The following SULT1E1 variants were observed in gnomAD, a reference collection of about 807,000 sequenced individuals.
The protein encoded by SULT1E1 is sulfotransferase family 1E member 1.
SULT1E1 carries 36 observed loss-of-function variants against 33.6 expected under a neutral mutation model. That is an observed-to-expected ratio of 1.07 (90% confidence interval 0.82 to 1.41). The LOEUF is 1.41. SULT1E1 is among the 40% of genes most tolerant of loss of function. SULT1E1 has a pLI of 0.00. For synonymous variants in SULT1E1, 121 were observed against 111.7 expected (o/e 1.08, Z -0.53); for missense variants, 371 against 345.7 (o/e 1.07, Z -0.58).
chr4:69,849,679 A>G (rs1721061669), intron 4 of SULT1E1, 116 bp from the exon 5 acceptor site: 2 of 922,274 alleles, frequency 2.2e-6, no homozygotes, highest in African/African-American at 1.7e-5. Flanking sequence ...CATTAATTTT[A>G]CAAAATGCAT....
intron 6 of SULT1E1, among the ~76,000 whole-genome samples, chr4:69,846,599 T>C (rs565627523): frequency 1.9e-4 from 29 of 151,830 alleles, no homozygotes; most frequent in African/African-American, 6.5e-4. Flanking sequence ...TAACCTAATG[T>C]ACACAAGTCA....
rs954469717 is a variant in SULT1E1, at chr4:69,855,243, T to C, written c.271+58A>G. Reference sequence around the variant, plus strand: ...GCTTATAATCTCATTGCTTGTACCATGTACATACACACCTTAGAATATATG... The same window carrying C: ...GCTTATAATCTCATTGCTTGTACCACGTACATACACACCTTAGAATATATG... On this transcript the variant is annotated intron_variant, in intron 3 of 7. Transcript: ENST00000226444. 2.1e-5 allele frequency: 32 copies of C among 1,544,506 alleles called. No individual in the cohort carries two copies. The East Asian group carries it at 7.3e-4, about 35-fold the overall frequency.
the SULT1E1 span, among the ~76,000 whole-genome samples, chr4:69,831,402 A>G: frequency 1.3e-5 from 2 of 152,134 alleles, no homozygotes; most frequent in East Asian, 1.9e-4. Flanking sequence ...TGAGGCATGA[A>G]TTGATATAGG....
At chr4:69,849,693 A>G (rs577390272) in intron 4 of SULT1E1, 130 bp from the exon 5 acceptor site, 7 of 780,782 alleles carry the variant, frequency 9.0e-6, no homozygotes, top group Non-Finnish European at 1.3e-5. Flanking sequence ...AATGCATAAG[A>G]CATGTACAAT....
chr4:69,854,709 G>A (rs1721201967), intron 3 of SULT1E1, among the ~76,000 whole-genome samples: 1 of 151,924 alleles, frequency 6.6e-6, no homozygotes, highest in African/African-American at 2.4e-5. Context: ...ATTTTGGCAA[G>A]CAACCTTCTA....
the SULT1E1 span, among the ~76,000 whole-genome samples, chr4:69,829,520 A>G: frequency 6.6e-6 from 1 of 152,298 alleles, no homozygotes; most frequent in Non-Finnish European, 1.5e-5. Context: ...TCTTTTCTGC[A>G]TATAGCCTCC....
the SULT1E1 span, among the ~76,000 whole-genome samples, chr4:69,828,189 G>A: frequency 3.5e-3 from 534 of 152,284 alleles, 7 homozygotes; most frequent in South Asian, 0.023. Context: ...CTTGATGACC[G>A]TCCTCAATAA....
chr4:69,847,713 G>A lies in SULT1E1; in HGVS notation c.576C>T (p.Tyr192=), dbSNP rs775312926. The A allele has an allele frequency of 3.1e-5, 49 of 1,600,312 alleles. No individual in the cohort carries two copies. Among genetic ancestry groups the A allele is most frequent in the South Asian group, 9.0e-5 (8 of 89,382 alleles). Residue 192 remains tyrosine, a synonymous_variant, in exon 6 of 8, where the codon TAC becomes TAT. Transcript: ENST00000226444. Reference sequence around the variant, plus strand: ...AGTTCCTCACCTCTTTCAGGTCTTCGTAGAAAAGAAATAGTACACGTGGAC... The same window carrying A: ...AGTTCCTCACCTCTTTCAGGTCTTCATAGAAAAGAAATAGTACACGTGGAC... ...GKSPRVLFLF[Y]EDLKEDIRKE...
intron 1 of SULT1E1, 61 bp downstream of exon 1, chr4:69,859,988 T>C (rs1182777382): frequency 6.6e-6 from 1 of 152,070 alleles, no homozygotes; most frequent in Non-Finnish European, 1.5e-5. Flanking sequence ...TACATAATTT[T>C]CATTCTATAT....
chr4:69,849,729 C>T (rs1488480534), intron 4 of SULT1E1, among the ~76,000 whole-genome samples, 166 bp from the exon 5 acceptor site: 6 of 151,890 alleles, frequency 4.0e-5, no homozygotes, highest in Non-Finnish European at 8.8e-5. Context: ...CTTCAATAAC[C>T]TGAGGTGACA....
Position 69,841,769 on chromosome 4 carries a change from A to G in SULT1E1, c.*225T>C. The G allele has an allele frequency of 5.7e-6, 2 of 350,648 alleles. No individual in the cohort carries two copies. Among genetic ancestry groups the G allele is most frequent in the Non-Finnish European group, 1.0e-5 (2 of 196,548 alleles). The allele number at this position is 350,648 out of a possible 1,614,324, so 21.7% of individuals were successfully genotyped here. A position where few individuals can be genotyped will look rare whatever the true frequency, so the allele number is the denominator to read the frequency against. ...GATGGGAGGATCAATTGAGTCAAGG[A>G]GGTCAAGGCTGCAATCAGCCATGAT... On this transcript the variant is annotated 3_prime_UTR_variant, in exon 8 of 8. Transcript: ENST00000226444.
rs1011218373 is a variant in SULT1E1, at chr4:69,860,089, A to T, written c.-50T>A. The T allele has an allele frequency of 6.6e-6, 1 of 152,118 alleles. No individual in the cohort carries two copies. The highest frequency in any genetic ancestry group is 1.5e-5 in the Non-Finnish European group (1 of 67,976). 9.4% of individuals were successfully genotyped at this position (152,118 alleles called of 1,614,324 possible). ...TGTGAAAGAAATTGATCTAGTTTAT[A>T]TCTCTTCAAATACCAAGGCAGATCT... On this transcript the variant is annotated 5_prime_UTR_variant, in exon 1 of 8. Coordinates refer to ENST00000226444, the MANE Select transcript of SULT1E1 (RefSeq NM_005420.3).
At chr4:69,833,328 G>C in the SULT1E1 span, among the ~76,000 whole-genome samples, 1 of 152,144 alleles carries the variant, frequency 6.6e-6, no homozygotes, top group Non-Finnish European at 1.5e-5. Context: ...TTGTTTTCAG[G>C]CATAGAAAGC....
chr4:69,825,928 G>C, the SULT1E1 span, among the ~76,000 whole-genome samples: 1 of 150,578 alleles, frequency 6.6e-6, no homozygotes, highest in Non-Finnish European at 1.5e-5. Context: ...CTATAAGAAT[G>C]ATTTCTAGTG....
In SULT1E1 at chr4:69,851,674, C is replaced by T. The variant is rs1314705986; in HGVS notation, c.370-2111G>A. 5.3e-5 allele frequency among the ~76,000 whole-genome samples: 8 copies of T among 152,086 alleles called. No individual in the cohort carries two copies. The East Asian group carries it at 5.8e-4, about 11-fold the overall frequency. ...ATGCTACTATAAAGACACATGAACA[C>T]GTATGTTTATTGTGGCACTATTCAC... On this transcript the variant is annotated intron_variant, in intron 4 of 7. Coordinates refer to ENST00000226444, the MANE Select transcript of SULT1E1 (RefSeq NM_005420.3).
At chr4:69,833,022 T>C in the SULT1E1 span, among the ~76,000 whole-genome samples, 1 of 152,238 alleles carries the variant, frequency 6.6e-6, no homozygotes. Context: ...GCCTTTGAAA[T>C]GAGTCTGCCT....
At chr4:69,837,467 GTGTT>G (rs1720813209), downstream of SULT1E1, among the ~76,000 whole-genome samples, 1 of 152,004 alleles carries the variant, frequency 6.6e-6, no homozygotes, top group Non-Finnish European at 1.5e-5. Context: ...GTCAAAGAAA[GTGTT>G]TGTTTGGGAT....
chr4:69,841,673 CAA>C lies in SULT1E1; in HGVS notation c.*319_*320del. ...ACAATATAATAAGACCTCATCTCTA[CAA>C]AAAAACATTAAAAAAATTAGCCAAA... is the stretch of plus-strand genomic sequence containing the variant. On this transcript the variant is annotated 3_prime_UTR_variant, in exon 8 of 8. Transcript: ENST00000226444. 5.5e-6 allele frequency: 1 copy of C among 182,188 alleles called. No individual in the cohort carries two copies. The highest frequency in any genetic ancestry group is 1.3e-4 in the South Asian group (1 of 7,500). The allele number at this position is 182,188 out of a possible 1,614,324, so 11.3% of individuals were successfully genotyped here.
Position 69,842,021 on chromosome 4 carries a change from A to G in SULT1E1, c.858T>C (p.Ser286=). The change falls in exon 8 of 8, where the codon TCT becomes TCC. Residue 286 remains serine, a synonymous_variant. Transcript: ENST00000226444. The part of the protein sequence containing the change: ...DKHYEQQMKE[S]TLKFRTEI ...AGATCTCAGTTCGAAACTTCAGTGT[A>G]GATTCCTTCATTTGCTGCTCATAAT... The G allele has an allele frequency of 1.9e-6, 3 of 1,610,336 alleles. No individual in the cohort carries two copies. The highest frequency in any genetic ancestry group is 2.5e-6 in the Non-Finnish European group (3 of 1,178,072).
Sources: allele counts gnomAD v4.1 joint callset (sites outside exome capture counted in the v4.1 genomes callset), GRCh38; gene constraint gnomAD v4.1.1; transcripts MANE v1.5; gene names NCBI Gene and HGNC (gene_info 2026-07-23, HGNC 2026-07-21).